The following ESRRG variants were observed in gnomAD, a reference collection of about 807,000 sequenced individuals.
ESRRG encodes the protein estrogen-related receptor gamma.
Under a neutral mutation model 44.0 loss-of-function variants are expected in ESRRG, and 13 were observed. The ratio of observed to expected loss-of-function variants is 0.30; its 90% CI spans 0.19 to 0.47. The LOEUF is 0.47. Among genes scored for constraint, ESRRG ranks in the 20% least tolerant of loss-of-function variants. The pLI is 1.00. For missense variants in ESRRG, 395 were observed against 580.6 expected, an observed-to-expected ratio of 0.68 and a Z score of 3.29; for synonymous variants, 215 against 214.6, an observed-to-expected ratio of 1.00 and a Z score of -0.02.
rs1378068024 is a variant in ESRRG, at chr1:216,797,037, G to A, written c.-13-119546C>T. ...CTCCCGAGTAGCTGGGATTACAGGC[G>A]TGTGCTGTCACACCTGGCTAATTTT... is the stretch of plus-strand genomic sequence containing the variant. On this transcript the variant is annotated intron_variant, in intron 2 of 7. Transcript: ENST00000359162. Among the ~76,000 whole-genome samples, 6 of 151,848 alleles carry A rather than the reference G, an allele frequency of 4.0e-5. No homozygotes were observed. The East Asian group carries it at 1.2e-3, about 29-fold the overall frequency.
intron 2 of ESRRG, among the ~76,000 whole-genome samples, chr1:216,659,650 C>T (rs1440177622): frequency 6.6e-6 from 1 of 152,186 alleles, no homozygotes; most frequent in African/African-American, 2.4e-5. Context: ...AAGCAGCATC[C>T]TTTCCTATTG....
At chr1:216,925,911 T>C (rs538169023) in intron 2 of ESRRG, among the ~76,000 whole-genome samples, 16 of 151,620 alleles carry the variant, frequency 1.1e-4, no homozygotes, top group Middle Eastern at 6.8e-3. Context: ...CATCGCACCA[T>C]GGCACTCCAG....
chr1:216,637,195 T>C (rs1489912155), intron 3 of ESRRG, among the ~76,000 whole-genome samples: 3 of 152,086 alleles, frequency 2.0e-5, no homozygotes, highest in Non-Finnish European at 4.4e-5. Flanking sequence ...AACAATAGGC[T>C]ATGATAGTCT....
intron 3 of ESRRG, among the ~76,000 whole-genome samples, chr1:216,611,619 T>A (rs1321159002): frequency 6.6e-6 from 1 of 152,146 alleles, no homozygotes; most frequent in Non-Finnish European, 1.5e-5. Context: ...TGGGTTTTGG[T>A]CACAAAACTG....
chr1:217,123,026 G>A (rs1368115977), intron 1 of ESRRG, among the ~76,000 whole-genome samples: 3 of 152,092 alleles, frequency 2.0e-5, no homozygotes, highest in South Asian at 2.1e-4. Flanking sequence ...TAGCCCAGAA[G>A]TGACATATAT....
chr1:217,098,786 A>T (rs1179456674), intron 1 of ESRRG, among the ~76,000 whole-genome samples: 2 of 152,212 alleles, frequency 1.3e-5, no homozygotes, highest in African/African-American at 4.8e-5. Context: ...TGAACAGTGA[A>T]ACCACTTTTA....
intron 2 of ESRRG, among the ~76,000 whole-genome samples, chr1:216,865,794 A>G (rs1013535683): frequency 2.6e-5 from 4 of 152,354 alleles, no homozygotes; most frequent in African/African-American, 9.6e-5. Context: ...TTGAGAAATC[A>G]GAACTAAAGT....
chr1:216,688,180 G>A (rs1293804373), intron 1 of ESRRG, among the ~76,000 whole-genome samples: 1 of 152,188 alleles, frequency 6.6e-6, no homozygotes, highest in East Asian at 1.9e-4. Flanking sequence ...AAGCAGGCGA[G>A]CCTGCTTTTC....
chr1:216,702,618 A>AAAG (rs1553518504), intron 1 of ESRRG, among the ~76,000 whole-genome samples: 2 of 150,528 alleles, frequency 1.3e-5, no homozygotes, highest in Non-Finnish European at 3.0e-5. Flanking sequence ...CAAAAAAAAA[A>AAAG]AAAAGAAAAT....
intron 2 of ESRRG, among the ~76,000 whole-genome samples, chr1:216,779,727 T>C (rs2093852363): frequency 6.7e-6 from 1 of 148,900 alleles, no homozygotes; most frequent in Non-Finnish European, 1.5e-5. Flanking sequence ...AATATTGAGG[T>C]AATTAGAAGT....
At chr1:216,575,506 T>A (rs1212741836) in intron 3 of ESRRG, among the ~76,000 whole-genome samples, 1 of 152,162 alleles carries the variant, frequency 6.6e-6, no homozygotes, top group Non-Finnish European at 1.5e-5. Flanking sequence ...TAGCAGTCAT[T>A]GGTTATTGAG....
chr1:216,908,576 C>T (rs1381056857), intron 2 of ESRRG, among the ~76,000 whole-genome samples: 1 of 152,068 alleles, frequency 6.6e-6, no homozygotes, highest in Non-Finnish European at 1.5e-5. Flanking sequence ...GGACAGTCTG[C>T]TTTTTTAACC....
At chr1:217,112,754 T>G (rs2092674307) in intron 1 of ESRRG, among the ~76,000 whole-genome samples, 1 of 152,194 alleles carries the variant, frequency 6.6e-6, no homozygotes. Flanking sequence ...GTTAATTACT[T>G]CAGGATAAAG....
At chr1:216,850,860 T>G (rs1261419881) in intron 2 of ESRRG, among the ~76,000 whole-genome samples, 1 of 151,948 alleles carries the variant, frequency 6.6e-6, no homozygotes, top group Non-Finnish European at 1.5e-5. Flanking sequence ...TATGGAAATA[T>G]TGCTTAGTTA....
intron 2 of ESRRG, among the ~76,000 whole-genome samples, chr1:216,851,396 T>C (rs2095840788): frequency 6.6e-6 from 1 of 152,054 alleles, no homozygotes; most frequent in Admixed American, 6.6e-5. Context: ...CCTCCAAAAT[T>C]CACAAGTTGA....
chr1:216,959,738 CTGAG>C (rs1311734880), intron 1 of ESRRG: 8 of 152,024 alleles, frequency 5.3e-5, no homozygotes, highest in Admixed American at 3.9e-4. Flanking sequence ...AAAACTGAGA[CTGAG>C]TGAGCACGTG....
chr1:216,676,801 C>G (rs2151486080), intron 2 of ESRRG, among the ~76,000 whole-genome samples: 1 of 152,286 alleles, frequency 6.6e-6, no homozygotes, highest in East Asian at 1.9e-4. Context: ...CCACATTGCT[C>G]TAATAATAAC....
intron 2 of ESRRG, among the ~76,000 whole-genome samples, 198 bp from the exon 3 acceptor site, chr1:216,651,287 A>G (rs2068877393): frequency 6.6e-6 from 1 of 152,318 alleles, no homozygotes; most frequent in South Asian, 2.1e-4. Flanking sequence ...CAAGGAGAAC[A>G]AACATGGTGA....
In ESRRG at chr1:217,101,897, C is replaced by G. The variant is rs993961462; in HGVS notation, c.-230+35770G>C. 5.9e-5 allele frequency among the ~76,000 whole-genome samples: 9 copies of G among 152,276 alleles called. No individual in the cohort carries two copies. The East Asian group carries it at 1.5e-3, about 26-fold the overall frequency. ...TCTTGGCTCACCGCAACCTCTGCCT[C>G]CCAGGTTCAAGTGATTCTCCTGCCT... On this transcript the variant is annotated intron_variant, in intron 1 of 8. Coordinates refer to the ESRRG transcript ENST00000366940.
Sources: gnomAD v4.1 joint callset for allele counts (sites outside exome capture counted in the v4.1 genomes callset) on GRCh38, gnomAD v4.1.1 for gene constraint, MANE v1.5 for transcripts, NCBI Gene and HGNC (gene_info 2026-07-23, HGNC 2026-07-21) for gene names.